Variants in ORAI2 observed in about 807,000 individuals in gnomAD.
ORAI2 encodes the protein ORAI calcium release-activated calcium modulator 2.
ORAI2 carries 10 observed loss-of-function variants against 16.2 expected under a neutral mutation model. The ratio of observed to expected loss-of-function variants is 0.62; its 90% CI spans 0.38 to 1.04. The LOEUF (loss-of-function observed/expected upper bound fraction) is 1.04, where lower values mean the gene tolerates loss of function less well. ORAI2 is among the 50% of genes least tolerant of loss of function. The probability of loss-of-function intolerance (pLI) is 0.01; values close to 1 mark genes in which losing one functional copy is unlikely to be tolerated. For synonymous variants in ORAI2, 150 were observed against 157.5 expected, an observed-to-expected ratio of 0.95 and a Z score of 0.35; for missense variants, 238 against 355.5, an observed-to-expected ratio of 0.67 and a Z score of 2.66.
chr7:102,443,370 C>G (rs183622588), intron 3 of ORAI2, among the ~76,000 whole-genome samples: 65 of 150,704 alleles, frequency 4.3e-4, no homozygotes, highest in African/African-American at 1.6e-3. Flanking sequence ...ACTCCACCTT[C>G]CGGGTTCACG....
In ORAI2 at chr7:102,452,439, GATTT is replaced by G. The variant is rs1797548577; in HGVS notation, c.*5392_*5395del. On this transcript the variant is annotated 3_prime_UTR_variant, in exon 4 of 4. Transcript: ENST00000495936. Reference sequence around the variant, plus strand: ...CCAGCTTGCCCAGCTTATGTTTATAGATTTATTTTAGAGACAGGGTTGGGCTCTA... The same window carrying G: ...CCAGCTTGCCCAGCTTATGTTTATAGATTTTAGAGACAGGGTTGGGCTCTA... 1.3e-5 allele frequency: 2 copies of G among 150,278 alleles called. No homozygotes were observed. Among genetic ancestry groups the G allele is most frequent in the Non-Finnish European group, 3.0e-5 (2 of 67,622 alleles). The allele number at this position is 150,278 out of a possible 1,614,324, so 9.3% of individuals were successfully genotyped here. A position where few individuals can be genotyped will look rare whatever the true frequency, so the allele number is the denominator to read the frequency against.
chr7:102,439,085 C>T lies in ORAI2; in HGVS notation c.129C>T (p.His43=). 1 of 1,614,112 alleles carries T rather than the reference C, an allele frequency of 6.2e-7. No individual in the cohort carries two copies. The highest frequency in any genetic ancestry group is 8.5e-7 in the Non-Finnish European group (1 of 1,180,046). ...TGGAACTGGTCACCTCTAACCACCA[C>T]TCGGTACAGGCCCTGTCGTGGCGGA... is the stretch of plus-strand genomic sequence containing the variant. ...SYLELVTSNH[H]SVQALSWRKL... is the part of the protein sequence containing the mutation. The change falls in exon 3 of 4, where the codon CAC becomes CAT. Residue 43 remains histidine, a synonymous_variant. Coordinates refer to ENST00000495936, the MANE Select transcript of ORAI2 (RefSeq NM_001126340.3).
chr7:102,438,795 ATAACT>A (rs1480200685), intron 2 of ORAI2, 144 bp from the exon 3 acceptor site: 1 of 694,978 alleles, frequency 1.4e-6, no homozygotes, highest in Non-Finnish European at 2.5e-6. Context: ...ACAAAGAAAC[ATAACT>A]TTAGGTCCTG....
At position 102,452,136 on chromosome 7, in the gene ORAI2, CTTT is replaced by C. The variant is rs879132941; in HGVS notation, c.*5096_*5098del. On this transcript the variant is annotated 3_prime_UTR_variant, in exon 4 of 4. Transcript: ENST00000495936. The stretch of plus-strand genomic sequence containing the variant: ...CACTGCTAAGGAAGCACCAGACAGC[CTTT>C]TTTTTTTTTTTGAGACAGAGTCGCT... The C allele has an allele frequency of 1.4e-5, 2 of 143,220 alleles. No homozygotes were observed. The highest frequency in any genetic ancestry group is 3.1e-5 in the Non-Finnish European group (2 of 64,930). 8.9% of individuals were successfully genotyped at this position (143,220 alleles called of 1,614,324 possible). A position where few individuals can be genotyped will look rare whatever the true frequency, so the allele number is the denominator to read the frequency against.
intron 2 of ORAI2, among the ~76,000 whole-genome samples, chr7:102,438,125 A>G (rs1367828730): frequency 1.3e-5 from 2 of 152,068 alleles, no homozygotes; most frequent in Non-Finnish European, 2.9e-5. Flanking sequence ...AGGCAGGTGG[A>G]TCACCTGAGG....
rs367836708 is a variant in ORAI2 at position 102,447,351 on chromosome 7, G to A, written c.*299G>A. 188 of 392,336 alleles carry A rather than the reference G, an allele frequency of 4.8e-4. No individual in the cohort carries two copies. Among genetic ancestry groups the A allele is most frequent in the African/African-American group, 3.7e-3 (178 of 48,712 alleles). 24.3% of individuals were successfully genotyped at this position (392,336 alleles called of 1,614,324 possible). A position where few individuals can be genotyped will look rare whatever the true frequency, so the allele number is the denominator to read the frequency against. On this transcript the variant is annotated 3_prime_UTR_variant, in exon 4 of 4. Coordinates refer to ENST00000495936, the MANE Select transcript of ORAI2 (RefSeq NM_001126340.3). ...GGACCTGCCCATCAGTCCTGGGCCA[G>A]GAGGGGCTCCAAGCAGCACCCAGCG...
At chr7:102,443,049 A>T (rs892329079) in intron 3 of ORAI2, among the ~76,000 whole-genome samples, 17 of 151,530 alleles carry the variant, frequency 1.1e-4, no homozygotes, top group East Asian at 3.9e-4. Flanking sequence ...ATTTAAATTT[A>T]AAAAATGCTG....
chr7:102,443,128 CTTCTT>C (rs1411356347), intron 3 of ORAI2, among the ~76,000 whole-genome samples: 59 of 24,882 alleles, frequency 2.4e-3, no homozygotes, highest in African/African-American at 3.7e-3. Flanking sequence ...TCTTCTTCTT[CTTCTT>C]TTTTTTTTTT....
Position 102,452,461 on chromosome 7 carries a change from G to C in ORAI2, c.*5409G>C, listed in dbSNP as rs1160364282. ...ATAGATTTATTTTAGAGACAGGGTT[G>C]GGCTCTATTGCCCAGGCCAGAGCTG... On this transcript the variant is annotated 3_prime_UTR_variant, in exon 4 of 4. Coordinates refer to ENST00000495936, the MANE Select transcript of ORAI2 (RefSeq NM_001126340.3). The C allele has an allele frequency of 6.6e-6, 1 of 152,026 alleles. No homozygotes were observed. The highest frequency in any genetic ancestry group is 1.9e-4 in the East Asian group (1 of 5,172). The allele number at this position is 152,026 out of a possible 1,614,324, so 9.4% of individuals were successfully genotyped here. A position where few individuals can be genotyped will look rare whatever the true frequency, so the allele number is the denominator to read the frequency against.
At chr7:102,446,483 C>T in intron 3 of ORAI2, 30 bp from the exon 4 acceptor site, 2 of 1,581,266 alleles carry the variant, frequency 1.3e-6, no homozygotes, top group Non-Finnish European at 1.7e-6. Context: ...CCTCTCCACA[C>T]CCAGCACCAC....
In ORAI2 at chr7:102,456,595, TCA is replaced by T. The variant is rs1314716690; in HGVS notation, c.*9544_*9545del. 1.3e-5 allele frequency: 2 copies of T among 152,140 alleles called. No individual in the cohort carries two copies. The highest frequency in any genetic ancestry group is 6.6e-5 in the Admixed American group (1 of 15,260). 9.4% of individuals were successfully genotyped at this position (152,140 alleles called of 1,614,324 possible). A position where few individuals can be genotyped will look rare whatever the true frequency, so the allele number is the denominator to read the frequency against. On this transcript the variant is annotated 3_prime_UTR_variant, in exon 4 of 4. Coordinates refer to ENST00000495936, the MANE Select transcript of ORAI2 (RefSeq NM_001126340.3). Reference sequence around the variant, plus strand: ...GCGTTATGGGGCTGGAAGGAGGCTCTCAGATTTCCCTGCCCTCCTCACATCCC... The same window carrying T: ...GCGTTATGGGGCTGGAAGGAGGCTCTGATTTCCCTGCCCTCCTCACATCCC...
Position 102,434,121 on chromosome 7 carries a change from C to CA in ORAI2, c.-123+484dup, listed in dbSNP as rs55642836. Among the ~76,000 whole-genome samples the CA allele has an allele frequency of 6.2e-3, 417 of 66,982 alleles. 6 individuals carry two copies. Among genetic ancestry groups the CA allele is most frequent in the African/African-American group, 0.022 (397 of 18,002 alleles). 43.9% of individuals were successfully genotyped at this position (66,982 alleles called of 152,430 possible). A position where few individuals can be genotyped will look rare whatever the true frequency, so the allele number is the denominator to read the frequency against. ...TGTTTTCTCGGACTGCTCATTAAAG[C>CA]AAAAAAAAAAAAAAAAAAAAAAAAG... is the stretch of plus-strand genomic sequence containing the variant. On this transcript the variant is annotated intron_variant, in intron 1 of 3. Transcript: ENST00000495936.
rs994968905 is a variant in ORAI2, at chr7:102,456,689, C to T, written c.*9637C>T. ...CTGAGCCTGACTCTGAAGCTGTTCC[C>T]AGCTCTTTAGTCTAAACTTCAAATC... On this transcript the variant is annotated 3_prime_UTR_variant, in exon 4 of 4. Transcript: ENST00000495936. 6.6e-6 allele frequency: 1 copy of T among 152,216 alleles called. No individual in the cohort carries two copies. Among genetic ancestry groups the T allele is most frequent in the East Asian group, 1.9e-4 (1 of 5,198 alleles). The allele number at this position is 152,216 out of a possible 1,614,324, so 9.4% of individuals were successfully genotyped here. A position where few individuals can be genotyped will look rare whatever the true frequency, so the allele number is the denominator to read the frequency against.
chr7:102,437,445 T>C (rs574440044), intron 2 of ORAI2, among the ~76,000 whole-genome samples: 2 of 151,752 alleles, frequency 1.3e-5, no homozygotes, highest in African/African-American at 2.4e-5. Flanking sequence ...CGAAACCCTG[T>C]CTCTACTAAA....
chr7:102,444,702 G>A (rs73189869), intron 3 of ORAI2, among the ~76,000 whole-genome samples: 18,463 of 130,956 alleles, frequency 0.14, 1,570 homozygotes, highest in South Asian at 0.28. Context: ...GTCCTGCTCT[G>A]TCACTTAGGC....
At chr7:102,443,131 C>CTTT (rs796130520) in intron 3 of ORAI2, among the ~76,000 whole-genome samples, 2 of 25,650 alleles carry the variant, frequency 7.8e-5, no homozygotes, top group African/African-American at 1.6e-4. Context: ...TCTTCTTCTT[C>CTTT]TTTTTTTTTT....
chr7:102,440,823 A>G (rs930415994), intron 3 of ORAI2, among the ~76,000 whole-genome samples: 1 of 152,056 alleles, frequency 6.6e-6, no homozygotes, highest in Non-Finnish European at 1.5e-5. Context: ...TCGGCCTCCC[A>G]AAGTGCTAGC....
At chr7:102,436,579 T>G (rs946966520) in intron 2 of ORAI2, among the ~76,000 whole-genome samples, 4 of 152,094 alleles carry the variant, frequency 2.6e-5, no homozygotes, top group Non-Finnish European at 5.9e-5. Context: ...CACTCCCCAC[T>G]CCACCCGTCC....
At chr7:102,443,122 CTTCTTCTTCTTT>C (rs1386959178) in intron 3 of ORAI2, among the ~76,000 whole-genome samples, 5 of 85,444 alleles carry the variant, frequency 5.9e-5, no homozygotes, top group Admixed American at 2.8e-4. Context: ...TCTTCTTCTT[CTTCTTCTTCTTT>C]TTTTTTTTTT....
Sources: gnomAD v4.1 joint callset for allele counts (sites outside exome capture counted in the v4.1 genomes callset) on GRCh38, gnomAD v4.1.1 for gene constraint, MANE v1.5 for transcripts, NCBI Gene and HGNC (gene_info 2026-07-23, HGNC 2026-07-21) for gene names.